CAPN1: variants seen among roughly 807,000 people sequenced by gnomAD.
The protein encoded by CAPN1 is calpain-1 catalytic subunit.
CAPN1 carries 77 observed loss-of-function variants against 105.2 expected under a neutral mutation model. That is an observed-to-expected ratio of 0.73 (90% confidence interval 0.61 to 0.88). The LOEUF (loss-of-function observed/expected upper bound fraction) is 0.88. CAPN1 is among the 40% of genes least tolerant of loss of function. The probability of loss-of-function intolerance (pLI) is 0.00; values close to 1 mark genes in which losing one functional copy is unlikely to be tolerated. For synonymous variants in CAPN1, 355 were observed against 388.8 expected, an observed-to-expected ratio of 0.91 and a Z score of 1.02; for missense variants, 833 against 976.6, an observed-to-expected ratio of 0.85 and a Z score of 1.96.
intron 10 of CAPN1, among the ~76,000 whole-genome samples, chr11:65,190,718 G>GT (rs1565399127): frequency 3.3e-5 from 2 of 60,318 alleles, no homozygotes; most frequent in Non-Finnish European, 1.1e-4. Context: ...TTTTGTTTTT[G>GT]TTTTTGTTTT....
At position 65,211,382 on chromosome 11, in the gene CAPN1, T is replaced by A. The variant is rs570953923; in HGVS notation, c.*96T>A. On this transcript the variant is annotated 3_prime_UTR_variant, in exon 22 of 22. Transcript: ENST00000279247. ...CACACCAGGCCACCCCAGCTGCAAGTGCCTTCCTTGGAGCAGAGAGGCAGC... is the reference window on the plus strand; with the variant it reads ...CACACCAGGCCACCCCAGCTGCAAGAGCCTTCCTTGGAGCAGAGAGGCAGC... The A allele has an allele frequency of 1.2e-5, 15 of 1,238,102 alleles. No homozygotes were observed. The Admixed American group carries it at 2.8e-4, about 23-fold the overall frequency. 76.7% of individuals were successfully genotyped at this position (1,238,102 alleles called of 1,614,324 possible). A position where few individuals can be genotyped will look rare whatever the true frequency, so the allele number is the denominator to read the frequency against.
rs918354443 is a variant in CAPN1, at chr11:65,204,678, C to T, written c.1166-5C>T. On this transcript the variant is annotated splice_polypyrimidine_tract_variant and splice_region_variant and intron_variant, in intron 10 of 21. Transcript: ENST00000279247. ...TCTGATCCCCGCCTCCTCACCTGCC[C>T]GCAGCCACCTTCTGGGTGAACCCTC... The T allele has an allele frequency of 2.5e-6, 4 of 1,605,132 alleles. No homozygotes were observed. The highest frequency in any genetic ancestry group is 1.3e-5 in the African/African-American group (1 of 74,796).
At chr11:65,207,085 C>G (rs1411914476) in intron 14 of CAPN1, among the ~76,000 whole-genome samples, 1 of 152,210 alleles carries the variant, frequency 6.6e-6, no homozygotes, top group Non-Finnish European at 1.5e-5. Flanking sequence ...TCATTTCCTC[C>G]CCACATCAAC....
At chr11:65,197,221 TGAAA>T (rs17883124) in intron 10 of CAPN1, among the ~76,000 whole-genome samples, 108,667 of 151,508 alleles carry the variant, frequency 0.72, 40,170 homozygotes, top group Middle Eastern at 0.86. Context: ...TATCAATTAC[TGAAA>T]GAAAGAAAGA....
Position 65,197,661 on chromosome 11 carries a change from C to T in CAPN1, c.1166-7022C>T, listed in dbSNP as rs543767224. On this transcript the variant is annotated intron_variant, in intron 10 of 21. Coordinates refer to ENST00000279247, the MANE Select transcript of CAPN1 (RefSeq NM_005186.4). Reference sequence around the variant, plus strand: ...CAGAACTTTGGGAGGCCCAGGTGGACGGATCACCTGAGGTCAGGAGTTCGA... The same window carrying T: ...CAGAACTTTGGGAGGCCCAGGTGGATGGATCACCTGAGGTCAGGAGTTCGA... Among the ~76,000 whole-genome samples, 16 of 152,136 alleles carry T rather than the reference C, an allele frequency of 1.1e-4. No homozygotes were observed. In the South Asian group the frequency reaches 2.1e-3, roughly 20 times the overall value.
chr11:65,206,535 C>T lies in CAPN1; in HGVS notation c.1426C>T (p.Gln476Ter). 3 of 1,613,478 alleles carry T rather than the reference C, an allele frequency of 1.9e-6. No individual in the cohort carries two copies. Among genetic ancestry groups the T allele is most frequent in the Non-Finnish European group, 2.5e-6 (3 of 1,179,886 alleles). Residue 476 changes from glutamine to a stop codon, truncating the protein, a stop_gained, in exon 13 of 22, where the codon CAG becomes TAG. Coordinates refer to ENST00000279247, the MANE Select transcript of CAPN1 (RefSeq NM_005186.4). LOFTEE classifies it high-confidence loss of function. ...LANASRARSE[Q>*]FINLREVSTR... ...CAATGCGTCTCGGGCGCGCTCAGAG[C>T]AGTTCATCAACCTGCGAGAGGTCAG... is the stretch of plus-strand genomic sequence containing the variant.
At chr11:65,194,226 C>A (rs1307268777) in intron 10 of CAPN1, among the ~76,000 whole-genome samples, 1 of 152,010 alleles carries the variant, frequency 6.6e-6, no homozygotes, top group African/African-American at 2.4e-5. Context: ...GCTGTGGGCT[C>A]CCAAAGTGCT....
rs113938257 is a variant in CAPN1 at position 65,208,263 on chromosome 11, G to A, written c.1729+1G>A. On this transcript the variant is annotated splice_donor_variant, in intron 16 of 21. Coordinates refer to ENST00000279247, the MANE Select transcript of CAPN1 (RefSeq NM_005186.4). LOFTEE classifies it high-confidence loss of function. This position sits in a 1 kb window ranked among gnomAD's most constrained non-coding sequence, Gnocchi z 4.1. Reference sequence around the variant, plus strand: ...ATCCTCAATAGGATCATCAGCAAACGTGAGTCCCCGCGGGGCTGTCCCACC... The same window carrying A: ...ATCCTCAATAGGATCATCAGCAAACATGAGTCCCCGCGGGGCTGTCCCACC... The A allele has an allele frequency of 1.2e-5, 18 of 1,560,326 alleles. No individual in the cohort carries two copies. Among genetic ancestry groups the A allele is most frequent in the Non-Finnish European group, 1.4e-5 (16 of 1,152,142 alleles).
chr11:65,206,469 G>GGCC lies in CAPN1; in HGVS notation c.1361_1363dup (p.Gly454_Gln455insArg). The GGCC allele has an allele frequency of 6.2e-7, 1 of 1,612,744 alleles. No individual in the cohort carries two copies. Among genetic ancestry groups the GGCC allele is most frequent in the Non-Finnish European group, 8.5e-7 (1 of 1,179,740 alleles). ...CCCTCCTCCCTCCCACCAGCTGGTG[G>GGCC]GCCAGCCGGCCGTACACTTGAAGCG... is the stretch of plus-strand genomic sequence containing the variant. On this transcript the variant is annotated inframe_insertion, in exon 13 of 22. Coordinates refer to ENST00000279247, the MANE Select transcript of CAPN1 (RefSeq NM_005186.4).
chr11:65,210,105 C>T lies in CAPN1; in HGVS notation c.1942+9C>T, dbSNP rs752476902. 1.9e-6 allele frequency: 3 copies of T among 1,609,584 alleles called. No homozygotes were observed. In the African/African-American group the frequency reaches 4.0e-5, roughly 22 times the overall value. On this transcript the variant is annotated intron_variant, in intron 19 of 21. Coordinates refer to ENST00000279247, the MANE Select transcript of CAPN1 (RefSeq NM_005186.4). This position sits in a 1 kb window ranked among gnomAD's most constrained non-coding sequence, Gnocchi z 4.3. ...GGCCATTGAGTCGGCAGGTGAGACT[C>T]CAAGGCTGACGGCACCTGTGGGGCC...
intron 10 of CAPN1, among the ~76,000 whole-genome samples, chr11:65,197,972 T>A (rs919392369): frequency 2.0e-5 from 3 of 151,850 alleles, no homozygotes; most frequent in East Asian, 3.9e-4. Flanking sequence ...CAGTGATTAA[T>A]GCTGTATTTA....
In CAPN1 at chr11:65,182,846, T is replaced by G; in HGVS notation, c.145T>G (p.Cys49Gly). 6.3e-7 allele frequency: 1 copy of G among 1,599,730 alleles called. No individual in the cohort carries two copies. The highest frequency in any genetic ancestry group is 1.7e-5 in the Admixed American group (1 of 57,518). ...GGATTATGAGCAGCTGCGGGTGCGATGCCTGCAGAGTGGGACCCTCTTCCG... is the reference window on the plus strand; with the variant it reads ...GGATTATGAGCAGCTGCGGGTGCGAGGCCTGCAGAGTGGGACCCTCTTCCG... ...GQDYEQLRVR[C>G]LQSGTLFRDE... Residue 49 changes from cysteine (C) to glycine (G), a missense_variant, in exon 2 of 22, where the codon TGC becomes GGC. Transcript: ENST00000279247.
intron 10 of CAPN1, among the ~76,000 whole-genome samples, chr11:65,191,794 G>C (rs1050489779): frequency 2.0e-5 from 3 of 152,094 alleles, no homozygotes; most frequent in Non-Finnish European, 4.4e-5. Context: ...TAGAACTGTA[G>C]AGCTTCCTGC....
intron 10 of CAPN1, among the ~76,000 whole-genome samples, chr11:65,190,333 G>C (rs1948700957): frequency 6.6e-6 from 1 of 152,134 alleles, no homozygotes; most frequent in Admixed American, 6.5e-5. Flanking sequence ...GGTCACTTAA[G>C]CTTTGGCCTT....
chr11:65,198,987 A>G (rs1356979871), intron 10 of CAPN1, among the ~76,000 whole-genome samples: 1 of 152,154 alleles, frequency 6.6e-6, no homozygotes, highest in Non-Finnish European at 1.5e-5. Flanking sequence ...GGTGTGCACC[A>G]CCACATCCAG....
At chr11:65,191,152 T>C (rs1009204567) in intron 10 of CAPN1, among the ~76,000 whole-genome samples, 2 of 152,244 alleles carry the variant, frequency 1.3e-5, no homozygotes, top group South Asian at 4.1e-4. Flanking sequence ...ATTTTAAGTC[T>C]TATCCAAGGA....
intron 2 of CAPN1, 62 bp from the exon 3 acceptor site, chr11:65,183,066 G>T: frequency 6.2e-7 from 1 of 1,610,036 alleles, no homozygotes; most frequent in South Asian, 1.1e-5. Context: ...GGGGTCTGGG[G>T]TGGCCTGGTG....
chr11:65,188,095 G>A lies in CAPN1; in HGVS notation c.929+55G>A, dbSNP rs1452605998. On this transcript the variant is annotated intron_variant, in intron 8 of 21. Coordinates refer to ENST00000279247, the MANE Select transcript of CAPN1 (RefSeq NM_005186.4). The surrounding 1 kb of genome is among the most constrained non-coding windows in gnomAD (Gnocchi z 5.5). ...CCTTGGGGAAACTGTTAGGTGCCCC[G>A]ACATTTCTGCTCGGGACTCTACCAG... 7 of 1,239,670 alleles carry A rather than the reference G, an allele frequency of 5.6e-6. No homozygotes were observed. The highest frequency in any genetic ancestry group is 1.5e-5 in the African/African-American group (1 of 65,760). The allele number at this position is 1,239,670 out of a possible 1,614,324, so 76.8% of individuals were successfully genotyped here.
Position 65,206,525 on chromosome 11 carries a change from G to A in CAPN1, c.1416G>A (p.Ala472=), listed in dbSNP as rs774530067. ...RDFFLANASR[A]RSEQFINLRE... is the part of the protein sequence containing the mutation. ...TCTTCCTGGCCAATGCGTCTCGGGC[G>A]CGCTCAGAGCAGTTCATCAACCTGC... Residue 472 remains alanine (A), a synonymous_variant, in exon 13 of 22, where the codon GCG becomes GCA. Transcript: ENST00000279247. The A allele has an allele frequency of 1.9e-5, 30 of 1,613,334 alleles. No homozygotes were observed. The highest frequency in any genetic ancestry group is 2.4e-5 in the Non-Finnish European group (28 of 1,179,904).
Sources: gnomAD v4.1 joint callset for allele counts (sites outside exome capture counted in the v4.1 genomes callset) on GRCh38, gnomAD v4.1.1 for gene constraint, Gnocchi (gnomAD v3.1) non-coding constraint, MANE v1.5 for transcripts, NCBI Gene and HGNC (gene_info 2026-07-23, HGNC 2026-07-21) for gene names.